Variants in PEX14 observed in about 807,000 individuals in gnomAD.
PEX14 encodes peroxisomal biogenesis factor 14.
In PEX14, 15 loss-of-function variants were observed where a neutral mutation model predicts 49.5. The observed-to-expected ratio is 0.30, with a 90% confidence interval of 0.20 to 0.47. The LOEUF is 0.47. Ranked by LOEUF, PEX14 falls within the 20% of genes least tolerant of loss-of-function variation. The pLI, the probability that PEX14 is intolerant of heterozygous loss-of-function variation, is 1.00. For missense variants in PEX14, 398 were observed against 494.8 expected, an observed-to-expected ratio of 0.80 and a Z score of 1.86; for synonymous variants, 210 against 212.7, an observed-to-expected ratio of 0.99 and a Z score of 0.11.
intron 2 of PEX14, among the ~76,000 whole-genome samples, chr1:10,496,630 G>A (rs1641569864): frequency 6.6e-6 from 1 of 152,032 alleles, no homozygotes; most frequent in African/African-American, 2.4e-5. Flanking sequence ...GGCTTGATTC[G>A]ACAAGCTCTT....
At chr1:10,593,580 G>A (rs188328462) in intron 3 of PEX14, among the ~76,000 whole-genome samples, 1 of 151,986 alleles carries the variant, frequency 6.6e-6, no homozygotes, top group Admixed American at 6.6e-5. Flanking sequence ...TGTGGAACTA[G>A]TTTTCTCAGA....
At chr1:10,483,579 T>C (rs1455179167) in intron 1 of PEX14, among the ~76,000 whole-genome samples, 3 of 151,328 alleles carry the variant, frequency 2.0e-5, no homozygotes, top group Non-Finnish European at 1.5e-5. Context: ...CCCCCCAAAG[T>C]GCTGGGATTA....
chr1:10,626,407 A>C (rs1051172283), intron 7 of PEX14, among the ~76,000 whole-genome samples: 29 of 152,270 alleles, frequency 1.9e-4, no homozygotes, highest in African/African-American at 7.0e-4. Context: ...TCACTCTCAG[A>C]CTGCCCGGGT....
chr1:10,497,877 A>G (rs535136699), intron 2 of PEX14, among the ~76,000 whole-genome samples: 21 of 152,220 alleles, frequency 1.4e-4, no homozygotes, highest in Non-Finnish European at 2.6e-4. Context: ...CATATTTTTC[A>G]TACAATTCCT....
At position 10,609,778 on chromosome 1, in the gene PEX14, G is replaced by A. The variant is rs58258505; in HGVS notation, c.299-8554G>A. Among the ~76,000 whole-genome samples, 654 of 152,160 alleles carry A rather than the reference G, an allele frequency of 4.3e-3. 6 individuals are homozygous for A. Among genetic ancestry groups the A allele is most frequent in the African/African-American group, 0.015 (611 of 41,514 alleles). ...CGGGCGCCTGTAATCCCAGCTACTCGAGAGGATGAGGCAGGAGAATCCCAT... is the reference window on the plus strand; with the variant it reads ...CGGGCGCCTGTAATCCCAGCTACTCAAGAGGATGAGGCAGGAGAATCCCAT... On this transcript the variant is annotated intron_variant, in intron 4 of 8. Coordinates refer to ENST00000356607, the MANE Select transcript of PEX14 (RefSeq NM_004565.3).
At chr1:10,558,450 G>A (rs1452276435) in intron 3 of PEX14, among the ~76,000 whole-genome samples, 1 of 151,464 alleles carries the variant, frequency 6.6e-6, no homozygotes, top group Non-Finnish European at 1.5e-5. Flanking sequence ...AAATTACTTT[G>A]GAAGCTGGAC....
chr1:10,591,635 C>CTGTGTGTGTGTGTGTGTGTGTG (rs61635531), intron 3 of PEX14, among the ~76,000 whole-genome samples: 1 of 139,648 alleles, frequency 7.2e-6, no homozygotes, highest in African/African-American at 2.7e-5. Flanking sequence ...GGTATACACA[C>CTGTGTGTGTGTGTGTGTGTGTG]TGTGTGTGTG....
chr1:10,510,274 A>G (rs896306914), intron 2 of PEX14, among the ~76,000 whole-genome samples: 6 of 152,178 alleles, frequency 3.9e-5, no homozygotes, highest in Non-Finnish European at 8.8e-5. Context: ...ATTAATTTGC[A>G]GAGGTTTTGT....
At chr1:10,516,455 A>G (rs1335214140) in intron 2 of PEX14, among the ~76,000 whole-genome samples, 1 of 152,228 alleles carries the variant, frequency 6.6e-6, no homozygotes, top group African/African-American at 2.4e-5. Context: ...GATGGCGGTG[A>G]CTGAACCAAA....
At chr1:10,540,949 C>T (rs1638989413) in intron 3 of PEX14, among the ~76,000 whole-genome samples, 1 of 152,164 alleles carries the variant, frequency 6.6e-6, no homozygotes. Flanking sequence ...TTGTTGGAGT[C>T]ATTGAAGCCA....
intron 3 of PEX14, among the ~76,000 whole-genome samples, chr1:10,566,659 TTTTG>T (rs773016740): frequency 1.9e-4 from 29 of 152,146 alleles, no homozygotes; most frequent in South Asian, 6.2e-4. Context: ...TGGCTAATTT[TTTTG>T]TTTGTTTGTT....
intron 3 of PEX14, among the ~76,000 whole-genome samples, chr1:10,543,976 T>G (rs1463063691): frequency 1.3e-5 from 2 of 152,144 alleles, no homozygotes; most frequent in Non-Finnish European, 2.9e-5. Context: ...CTGGCAATAA[T>G]AAGACCAGCC....
At chr1:10,482,743 A>G (rs1198283736) in intron 1 of PEX14, among the ~76,000 whole-genome samples, 1 of 152,120 alleles carries the variant, frequency 6.6e-6, no homozygotes, top group Non-Finnish European at 1.5e-5. Flanking sequence ...GAGCCATTCT[A>G]CTTTTAATGG....
At chr1:10,616,451 C>T (rs949174038) in intron 4 of PEX14, among the ~76,000 whole-genome samples, 1 of 152,190 alleles carries the variant, frequency 6.6e-6, no homozygotes, top group African/African-American at 2.4e-5. Context: ...ACGTTCCTTC[C>T]CAGAGTTCAG....
intron 3 of PEX14, among the ~76,000 whole-genome samples, chr1:10,547,036 T>C (rs564790411): frequency 1.3e-5 from 2 of 152,176 alleles, no homozygotes; most frequent in South Asian, 4.2e-4. Flanking sequence ...GATCAAGCAG[T>C]GGGGAATCAA....
intron 5 of PEX14, 117 bp from the exon 6 acceptor site, chr1:10,622,902 T>G (rs1203593239): frequency 2.7e-6 from 2 of 729,688 alleles, no homozygotes; most frequent in Non-Finnish European, 5.0e-6. Context: ...TGGTGTTTGC[T>G]TAGGGTTTCC....
chr1:10,621,831 G>A (rs1028126669), intron 5 of PEX14, among the ~76,000 whole-genome samples: 1 of 152,174 alleles, frequency 6.6e-6, no homozygotes, highest in Non-Finnish European at 1.5e-5. Flanking sequence ...CTGGAAATGA[G>A]TTCCCACAAA....
At chr1:10,486,783 G>T (rs1641377036) in intron 1 of PEX14, among the ~76,000 whole-genome samples, 1 of 151,778 alleles carries the variant, frequency 6.6e-6, no homozygotes, top group African/African-American at 2.4e-5. Flanking sequence ...CGCCTCCTGG[G>T]TTCAAGCGAT....
At chr1:10,570,847 G>GTTTTTTTTT (rs1557850830) in intron 3 of PEX14, among the ~76,000 whole-genome samples, 1 of 63,080 alleles carries the variant, frequency 1.6e-5, no homozygotes, top group African/African-American at 4.2e-5. Flanking sequence ...ATGTCAACAG[G>GTTTTTTTTT]GTTTTTTTTT....
Sources: allele counts gnomAD v4.1 joint callset (sites outside exome capture counted in the v4.1 genomes callset), GRCh38; gene constraint gnomAD v4.1.1; transcripts MANE v1.5; gene names NCBI Gene and HGNC (gene_info 2026-07-23, HGNC 2026-07-21).